NAV2: variants seen among roughly 807,000 people sequenced by gnomAD.
The protein encoded by NAV2 is helicase, APC down-regulated 1.
NAV2 carries 54 observed loss-of-function variants against 223.2 expected under a neutral mutation model. That is an observed-to-expected ratio of 0.24 (90% CI 0.19 to 0.30). NAV2 has a LOEUF of 0.30. Ranked by LOEUF, NAV2 falls within the 10% of genes least tolerant of loss-of-function variation. NAV2 has a pLI of 1.00. For synonymous variants in NAV2, 1,279 were observed against 1,239.3 expected (o/e 1.03, Z -0.67); for missense variants, 2,806 against 3,147.5 (o/e 0.89, Z 2.60).
At chr11:19,346,231 T>C (rs1852999054), upstream of NAV2, among the ~76,000 whole-genome samples, 2 of 152,202 alleles carry the variant, frequency 1.3e-5, no homozygotes, top group Non-Finnish European at 2.9e-5. Flanking sequence ...TCTGTAAGTC[T>C]GTATGTGTGT....
intron 6 of NAV2, among the ~76,000 whole-genome samples, chr11:19,926,043 T>C (rs2044716280): frequency 6.6e-6 from 1 of 152,198 alleles, no homozygotes; most frequent in Admixed American, 6.5e-5. Flanking sequence ...TTTTCAAGAT[T>C]GTTTTGATTT....
chr11:19,557,553 T>C (rs576662722), intron 1 of NAV2, among the ~76,000 whole-genome samples: 17 of 152,360 alleles, frequency 1.1e-4, no homozygotes, highest in African/African-American at 4.1e-4. Context: ...GAACTTCTGG[T>C]TGCCACAAGT....
chr11:20,106,100 G>A (rs889704681), intron 35 of NAV2, among the ~76,000 whole-genome samples: 1 of 144,010 alleles, frequency 6.9e-6, no homozygotes, highest in Non-Finnish European at 1.5e-5. Flanking sequence ...CCACCATCTT[G>A]ACATAATTTT....
intron 7 of NAV2, among the ~76,000 whole-genome samples, chr11:19,934,610 G>A (rs1055086976): frequency 1.3e-5 from 2 of 152,030 alleles, no homozygotes; most frequent in Admixed American, 6.6e-5. Context: ...TGAGGGTGGG[G>A]GCGGTTTGGT....
At chr11:20,073,810 A>G (rs935031613) in intron 22 of NAV2, among the ~76,000 whole-genome samples, 3 of 151,986 alleles carry the variant, frequency 2.0e-5, no homozygotes, top group African/African-American at 7.3e-5. Context: ...ATTGCATCTT[A>G]TTTGATTCTT....
At chr11:19,994,480 A>C (rs150603698) in intron 11 of NAV2, among the ~76,000 whole-genome samples, 2,659 of 149,520 alleles carry the variant, frequency 0.018, 67 homozygotes, top group African/African-American at 0.06. Flanking sequence ...CGGGAGGTGG[A>C]GGTTGCAGTG....
intron 1 of NAV2, among the ~76,000 whole-genome samples, chr11:19,508,424 T>A (rs577730022): frequency 6.6e-6 from 1 of 152,234 alleles, no homozygotes; most frequent in Non-Finnish European, 1.5e-5. Flanking sequence ...TTCCTGCTAA[T>A]CCTATTTGGT....
intron 6 of NAV2, among the ~76,000 whole-genome samples, chr11:19,915,340 C>G (rs769731171): frequency 7.2e-5 from 11 of 152,178 alleles, no homozygotes; most frequent in Non-Finnish European, 1.5e-4. Context: ...AGGTAAACTT[C>G]CTTCACATAA....
chr11:19,632,284 C>T (rs1311445284), intron 1 of NAV2, among the ~76,000 whole-genome samples: 5 of 152,190 alleles, frequency 3.3e-5, no homozygotes, highest in African/African-American at 9.7e-5. Context: ...TTTAATTTAC[C>T]TCTCTGAGCC....
At chr11:19,805,547 A>G (rs1270790818) in intron 1 of NAV2, among the ~76,000 whole-genome samples, 1 of 152,128 alleles carries the variant, frequency 6.6e-6, no homozygotes, top group Non-Finnish European at 1.5e-5. Context: ...CGAATAACCC[A>G]TTTTCAAGAG....
At chr11:19,654,272 C>A (rs944937085) in intron 1 of NAV2, among the ~76,000 whole-genome samples, 42 of 152,184 alleles carry the variant, frequency 2.8e-4, no homozygotes, top group Non-Finnish European at 5.1e-4. Context: ...ACATTCCATG[C>A]TCATGGGTAG....
chr11:19,961,828 C>G (rs961743131), intron 10 of NAV2, among the ~76,000 whole-genome samples: 9 of 151,966 alleles, frequency 5.9e-5, no homozygotes, highest in African/African-American at 2.2e-4. Flanking sequence ...TTATTTAGGA[C>G]ATTTACGAAG....
intron 1 of NAV2, among the ~76,000 whole-genome samples, chr11:19,577,289 G>A (rs1320757265): frequency 6.6e-6 from 1 of 152,260 alleles, no homozygotes; most frequent in East Asian, 1.9e-4. Context: ...CGTTCTATTT[G>A]CTTCCTTCAT....
intron 11 of NAV2, among the ~76,000 whole-genome samples, chr11:20,011,265 T>C (rs2053543088): frequency 6.6e-6 from 1 of 152,252 alleles, no homozygotes; most frequent in Admixed American, 6.5e-5. Context: ...TCTTGTTTTT[T>C]TTTAAGCCTA....
At chr11:19,526,877 T>C (rs2043857551) in intron 1 of NAV2, among the ~76,000 whole-genome samples, 1 of 152,190 alleles carries the variant, frequency 6.6e-6, no homozygotes, top group African/African-American at 2.4e-5. Context: ...CCACAGACCT[T>C]GGGAGTAAGG....
intron 1 of NAV2, among the ~76,000 whole-genome samples, chr11:19,814,053 GT>G (rs1161612670): frequency 2.6e-5 from 4 of 152,276 alleles, no homozygotes; most frequent in African/African-American, 7.2e-5. Flanking sequence ...TGTTTCATAT[GT>G]CCGCCCAGGG....
chr11:19,983,939 G>T (rs2050529870), intron 10 of NAV2, among the ~76,000 whole-genome samples, 186 bp from the exon 11 acceptor site: 1 of 152,104 alleles, frequency 6.6e-6, no homozygotes. Context: ...GCGAGCTGGG[G>T]ATCCTCTAGG....
Position 20,116,803 on chromosome 11 carries a change from C to T in NAV2, c.7165-1330C>T, listed in dbSNP as rs556897032. 2.6e-5 allele frequency among the ~76,000 whole-genome samples: 4 copies of T among 152,318 alleles called. No individual in the cohort carries two copies. The East Asian group carries it at 5.8e-4, about 22-fold the overall frequency. ...TCAGTTCTGCTCTTTCTGCCCAGGGCCATATGTCTCTATTATCATAGCTCT... is the reference window on the plus strand; with the variant it reads ...TCAGTTCTGCTCTTTCTGCCCAGGGTCATATGTCTCTATTATCATAGCTCT... On this transcript the variant is annotated intron_variant, in intron 37 of 37. Transcript: ENST00000349880.
chr11:20,116,246 A>G (rs2063081339), intron 37 of NAV2, among the ~76,000 whole-genome samples: 1 of 152,196 alleles, frequency 6.6e-6, no homozygotes, highest in Non-Finnish European at 1.5e-5. Flanking sequence ...CCTAGCAGCT[A>G]ATTAAGTCCC....
Sources: allele counts gnomAD v4.1 joint callset (sites outside exome capture counted in the v4.1 genomes callset), GRCh38; gene constraint gnomAD v4.1.1; transcripts MANE v1.5; gene names NCBI Gene and HGNC (gene_info 2026-07-23, HGNC 2026-07-21).